The following PPM1L variants were observed in gnomAD, a reference collection of about 807,000 sequenced individuals.
The protein encoded by PPM1L is protein phosphatase, Mg2+/Mn2+ dependent 1L.
Under a neutral mutation model 31.4 loss-of-function variants are expected in PPM1L, and 13 were observed. The ratio of observed to expected loss-of-function variants is 0.41; its 90% CI spans 0.27 to 0.66. The LOEUF (loss-of-function observed/expected upper bound fraction) is 0.66. Among genes scored for constraint, PPM1L ranks in the 30% least tolerant of loss-of-function variants. The pLI is 0.29. For missense variants in PPM1L, 326 were observed against 453.7 expected, an observed-to-expected ratio of 0.72 and a Z score of 2.56; for synonymous variants, 184 against 175.4, an observed-to-expected ratio of 1.05 and a Z score of -0.39.
intron 1 of PPM1L, among the ~76,000 whole-genome samples, chr3:160,787,797 A>G (rs1208727162): frequency 6.6e-6 from 1 of 152,200 alleles, no homozygotes; most frequent in Non-Finnish European, 1.5e-5. Flanking sequence ...GAAGGAGTCC[A>G]GTTTCAATCT....
At position 160,835,039 on chromosome 3, in the gene PPM1L, A is replaced by ACTACTTCTTCTTCTTCTTCTT. The variant is rs760363593; in HGVS notation, c.399+78334_399+78335insACTTCTTCTTCTTCTTCTTCT. Reference sequence around the variant, plus strand: ...TACTACTACTACTATTACTACTACTACTTCTTCTTCTTCTTCTTCTTCTTC... The same window carrying ACTACTTCTTCTTCTTCTTCTT: ...TACTACTACTACTATTACTACTACTACTACTTCTTCTTCTTCTTCTTCTTCTTCTTCTTCTTCTTCTTCTTC... On this transcript the variant is annotated intron_variant, in intron 1 of 3. Coordinates refer to ENST00000498165, the MANE Select transcript of PPM1L (RefSeq NM_139245.4). Among the ~76,000 whole-genome samples, 827 of 131,782 alleles carry ACTACTTCTTCTTCTTCTTCTT rather than the reference A, an allele frequency of 6.3e-3. 10 individuals carry two copies. The highest frequency in any genetic ancestry group is 0.017 in the African/African-American group (555 of 32,216). The allele number at this position is 131,782 out of a possible 152,430, so 86.5% of individuals were successfully genotyped here. A position where few individuals can be genotyped will look rare whatever the true frequency, so the allele number is the denominator to read the frequency against.
intron 1 of PPM1L, among the ~76,000 whole-genome samples, chr3:160,780,606 A>C (rs1373965536): frequency 6.6e-6 from 1 of 152,188 alleles, no homozygotes; most frequent in Non-Finnish European, 1.5e-5. Flanking sequence ...CTTGTTGGTG[A>C]GAAAGTGGAG....
At chr3:160,947,903 G>T (rs779480757) in intron 1 of PPM1L, among the ~76,000 whole-genome samples, 4 of 152,014 alleles carry the variant, frequency 2.6e-5, no homozygotes, top group Non-Finnish European at 4.4e-5. Flanking sequence ...TCCATAATTG[G>T]CCCAAAAGCA....
At chr3:160,927,602 C>T (rs1295851082) in intron 1 of PPM1L, among the ~76,000 whole-genome samples, 1 of 149,260 alleles carries the variant, frequency 6.7e-6, no homozygotes, top group South Asian at 2.1e-4. Context: ...TCTTTCATTT[C>T]CCTATGTGTG....
chr3:160,992,993 T>A (rs980493165), intron 2 of PPM1L, among the ~76,000 whole-genome samples: 4 of 152,110 alleles, frequency 2.6e-5, no homozygotes, highest in African/African-American at 4.8e-5. Flanking sequence ...CTACTACTAT[T>A]TTTATAACAC....
In PPM1L at chr3:160,782,517, T is replaced by C. The variant is rs1227283835; in HGVS notation, c.399+25810T>C. Among the ~76,000 whole-genome samples, 4 of 152,342 alleles carry C rather than the reference T, an allele frequency of 2.6e-5. No individual in the cohort carries two copies. The East Asian group carries it at 7.7e-4, about 29-fold the overall frequency. ...TAGAGAAGTAAATTCTTCTGGGCTA[T>C]GTGGAAAGGTTTAGATTTATTTGTT... On this transcript the variant is annotated intron_variant, in intron 1 of 3. Coordinates refer to ENST00000498165, the MANE Select transcript of PPM1L (RefSeq NM_139245.4).
chr3:160,973,764 GTTTTTTTTTT>G lies in PPM1L; in HGVS notation c.574+11874_574+11883del, dbSNP rs75599237. Among the ~76,000 whole-genome samples the G allele has an allele frequency of 2.0e-4, 18 of 88,478 alleles. No individual in the cohort carries two copies. In the East Asian group the frequency reaches 2.0e-3, roughly 10 times the overall value. The allele number at this position is 88,478 out of a possible 152,430, so 58.0% of individuals were successfully genotyped here. On this transcript the variant is annotated intron_variant, in intron 2 of 3. Transcript: ENST00000498165. ...GGTAAATTGCCTTCTGAAAGGCCCT[GTTTTTTTTTT>G]TTTTTTTTTTTTTTTTTTTAACCAA...
chr3:160,898,572 C>A (rs6441336), intron 1 of PPM1L, among the ~76,000 whole-genome samples: 132,536 of 152,192 alleles, frequency 0.87, 57,946 homozygotes, highest in Middle Eastern at 0.92. Context: ...CTCTGACCTC[C>A]CCAAACCACA....
At chr3:160,811,948 C>G (rs910947540) in intron 1 of PPM1L, among the ~76,000 whole-genome samples, 5 of 152,222 alleles carry the variant, frequency 3.3e-5, no homozygotes, top group African/African-American at 1.2e-4. Flanking sequence ...CAGGGCTTGC[C>G]AGGCACTTGG....
intron 2 of PPM1L, among the ~76,000 whole-genome samples, chr3:160,985,659 T>G (rs1476596868): frequency 6.6e-6 from 1 of 152,196 alleles, no homozygotes; most frequent in African/African-American, 2.4e-5. Flanking sequence ...CTTGGGTGTT[T>G]GAGCATTGGT....
intron 1 of PPM1L, among the ~76,000 whole-genome samples, chr3:160,816,292 T>A (rs73877971): frequency 0.027 from 3,973 of 147,252 alleles, 173 homozygotes; most frequent in African/African-American, 0.092. Flanking sequence ...TGTGTGTGTG[T>A]GAAACCCATA....
chr3:160,884,706 G>T (rs1032021620), intron 1 of PPM1L, among the ~76,000 whole-genome samples: 26 of 152,166 alleles, frequency 1.7e-4, no homozygotes, highest in African/African-American at 6.3e-4. Context: ...ATGGAATGGG[G>T]CCACTTTCAT....
At chr3:161,039,162 A>G (rs968366517) in intron 2 of PPM1L, among the ~76,000 whole-genome samples, 23 of 152,216 alleles carry the variant, frequency 1.5e-4, no homozygotes, top group African/African-American at 5.5e-4. Flanking sequence ...CCGTCTATGG[A>G]GTAGCCATTC....
At chr3:160,812,062 A>G (rs1255901014) in intron 1 of PPM1L, among the ~76,000 whole-genome samples, 2 of 152,050 alleles carry the variant, frequency 1.3e-5, no homozygotes, top group African/African-American at 4.8e-5. Flanking sequence ...TCAGATTTTG[A>G]TGAGGGTGCT....
chr3:160,786,147 C>CTGTGTGTGTGTG (rs1560106654), intron 1 of PPM1L, among the ~76,000 whole-genome samples: 1 of 91,172 alleles, frequency 1.1e-5, no homozygotes, highest in African/African-American at 8.3e-5. Context: ...CTCTCTCTCT[C>CTGTGTGTGTGTG]TCTCTCTCTC....
chr3:161,025,810 A>T (rs1718370312), intron 2 of PPM1L, among the ~76,000 whole-genome samples: 1 of 152,310 alleles, frequency 6.6e-6, no homozygotes, highest in South Asian at 2.1e-4. Context: ...AGCAAAATGG[A>T]AATTAAATAT....
At chr3:160,887,993 CA>C (rs1712982337) in intron 1 of PPM1L, among the ~76,000 whole-genome samples, 1 of 152,122 alleles carries the variant, frequency 6.6e-6, no homozygotes, top group Non-Finnish European at 1.5e-5. Context: ...TGAGGGATTT[CA>C]TTATCACTAG....
At position 160,786,004 on chromosome 3, in the gene PPM1L, G is replaced by A. The variant is rs546345714; in HGVS notation, c.399+29297G>A. Among the ~76,000 whole-genome samples, 333 of 150,262 alleles carry A rather than the reference G, an allele frequency of 2.2e-3. 1 individual carries two copies. The highest frequency in any genetic ancestry group is 4.2e-3 in the Non-Finnish European group (285 of 67,628). On this transcript the variant is annotated intron_variant, in intron 1 of 3. Coordinates refer to ENST00000498165, the MANE Select transcript of PPM1L (RefSeq NM_139245.4). ...TATCTATAAAAAAAAATCTAAAGGG[G>A]GTTGACCAATTTATACTTCCATTAG...
At chr3:160,924,044 A>C (rs1046809082) in intron 1 of PPM1L, among the ~76,000 whole-genome samples, 1 of 152,244 alleles carries the variant, frequency 6.6e-6, no homozygotes, top group Non-Finnish European at 1.5e-5. Flanking sequence ...AAAACAGTAC[A>C]ACAAATGTCC....
Sources: gnomAD v4.1 joint callset for allele counts (sites outside exome capture counted in the v4.1 genomes callset) on GRCh38, gnomAD v4.1.1 for gene constraint, MANE v1.5 for transcripts, NCBI Gene and HGNC (gene_info 2026-07-23, HGNC 2026-07-21) for gene names.